SPRR2G: variants seen among roughly 807,000 people sequenced by gnomAD.
SPRR2G encodes the protein small proline rich protein 2G.
A neutral mutation model predicts 0.7 loss-of-function variants in SPRR2G; 1 was observed. The observed-to-expected ratio is 1.49, with a 90% CI of 0.53 to 7.06. SPRR2G has a LOEUF of 7.06. SPRR2G is among the 30% of genes most tolerant of loss of function. The pLI, the probability that SPRR2G is intolerant of heterozygous loss-of-function variation, is 0.14. For missense variants in SPRR2G, 96 were observed against 88.5 expected (o/e 1.09, Z -0.34); for synonymous variants, 38 against 33.9 (o/e 1.12, Z -0.42).
chr1:153,194,339 C>T, the SPRR2G span, among the ~76,000 whole-genome samples: 3 of 152,260 alleles, frequency 2.0e-5, no homozygotes, highest in East Asian at 5.8e-4. Flanking sequence ...GTCATTTAGT[C>T]CTGCCTCCCA....
At chr1:153,168,426 A>G in the SPRR2G span, among the ~76,000 whole-genome samples, 1 of 152,188 alleles carries the variant, frequency 6.6e-6, no homozygotes, top group Non-Finnish European at 1.5e-5. Flanking sequence ...AATGCCACAG[A>G]AATTGATTTC....
At chr1:153,172,522 G>A in the SPRR2G span, among the ~76,000 whole-genome samples, 2 of 152,054 alleles carry the variant, frequency 1.3e-5, no homozygotes, top group East Asian at 3.9e-4. Flanking sequence ...AGATACTGTG[G>A]GAAAGGGCTT....
chr1:153,167,420 G>A, the SPRR2G span, among the ~76,000 whole-genome samples: 1 of 152,074 alleles, frequency 6.6e-6, no homozygotes, highest in African/African-American at 2.4e-5. Context: ...GCTGTGGTGA[G>A]CCAAGATCAC....
At chr1:153,166,651 C>A in the SPRR2G span, among the ~76,000 whole-genome samples, 4 of 152,186 alleles carry the variant, frequency 2.6e-5, no homozygotes, top group Non-Finnish European at 1.5e-5. Context: ...GTCTCCAGAT[C>A]ATGGGGATGA....
the SPRR2G span, among the ~76,000 whole-genome samples, chr1:153,168,288 G>T: frequency 6.6e-6 from 1 of 152,146 alleles, no homozygotes; most frequent in African/African-American, 2.4e-5. Context: ...CTGGGAATTG[G>T]TCTCTCAAAG....
the SPRR2G span, among the ~76,000 whole-genome samples, chr1:153,187,587 G>A: frequency 6.6e-6 from 1 of 151,952 alleles, no homozygotes; most frequent in Non-Finnish European, 1.5e-5. Flanking sequence ...GGTTATTCTA[G>A]TTAGCAATTC....
At chr1:153,178,795 C>T in the SPRR2G span, among the ~76,000 whole-genome samples, 6 of 152,210 alleles carry the variant, frequency 3.9e-5, no homozygotes, top group Admixed American at 3.9e-4. Context: ...CTGAAAAAGA[C>T]TTGGTGAATA....
chr1:153,166,424 T>C, the SPRR2G span, among the ~76,000 whole-genome samples: 4 of 152,344 alleles, frequency 2.6e-5, 1 homozygote, highest in Middle Eastern at 6.8e-3. Context: ...AAGAACCCCA[T>C]GTGAAAATCT....
At chr1:153,190,213 A>C in the SPRR2G span, 1 of 152,356 alleles carries the variant, frequency 6.6e-6, no homozygotes, top group African/African-American at 2.4e-5. Flanking sequence ...CCCTTCATAC[A>C]GTAGAAGTCC....
At chr1:153,192,305 T>C in the SPRR2G span, among the ~76,000 whole-genome samples, 1 of 152,228 alleles carries the variant, frequency 6.6e-6, no homozygotes, top group Non-Finnish European at 1.5e-5. Flanking sequence ...AGGAGTTTCC[T>C]TGGGAGCTAA....
At chr1:153,166,126 G>T in the SPRR2G span, among the ~76,000 whole-genome samples, 1 of 152,126 alleles carries the variant, frequency 6.6e-6, no homozygotes, top group Non-Finnish European at 1.5e-5. Context: ...CTCCTTCTCT[G>T]CCCAGTCTCT....
the SPRR2G span, among the ~76,000 whole-genome samples, chr1:153,177,105 A>T: frequency 2.0e-5 from 3 of 152,176 alleles, no homozygotes; most frequent in African/African-American, 7.2e-5. Context: ...ATAGAATCAT[A>T]CAGAACGTAC....
At chr1:153,152,961 A>C (rs1656502914), upstream of SPRR2G, among the ~76,000 whole-genome samples, 1 of 151,448 alleles carries the variant, frequency 6.6e-6, no homozygotes, top group African/African-American at 2.5e-5. Context: ...CAGCTTCACA[A>C]AGGACAGTTT....
chr1:153,174,916 G>A, the SPRR2G span, among the ~76,000 whole-genome samples: 1 of 152,020 alleles, frequency 6.6e-6, no homozygotes, highest in Non-Finnish European at 1.5e-5. Flanking sequence ...AAAAAAGAAA[G>A]AAACAAAAGA....
At chr1:153,150,164 A>C in intron 1 of SPRR2G, 33 bp from the exon 2 acceptor site, 2 of 1,606,622 alleles carry the variant, frequency 1.2e-6, no homozygotes, top group South Asian at 2.2e-5. Context: ...TGCTCATAAG[A>C]GAGACAGTCC....
At chr1:153,162,176 A>G in the SPRR2G span, among the ~76,000 whole-genome samples, 1 of 152,128 alleles carries the variant, frequency 6.6e-6, no homozygotes, top group South Asian at 2.1e-4. Flanking sequence ...TCCCTCGGAT[A>G]GGCCCCAGTG....
chr1:153,199,278 A>G, the SPRR2G span, among the ~76,000 whole-genome samples: 1 of 152,192 alleles, frequency 6.6e-6, no homozygotes, highest in African/African-American at 2.4e-5. Flanking sequence ...GAAGATGAGG[A>G]ATACCAGCCA....
upstream of SPRR2G, among the ~76,000 whole-genome samples, chr1:153,154,922 C>T (rs953530016): frequency 6.6e-6 from 1 of 152,106 alleles, no homozygotes; most frequent in Non-Finnish European, 1.5e-5. Context: ...TTTTTATCTT[C>T]CTAGACTTCT....
At chr1:153,155,703 C>T (rs1458901026), upstream of SPRR2G, among the ~76,000 whole-genome samples, 1 of 152,204 alleles carries the variant, frequency 6.6e-6, no homozygotes, top group Non-Finnish European at 1.5e-5. Context: ...ACTTTTTGAA[C>T]TGTGTGCTGT....
Sources: allele counts gnomAD v4.1 joint callset (sites outside exome capture counted in the v4.1 genomes callset), GRCh38; gene constraint gnomAD v4.1.1; transcripts MANE v1.5; gene names NCBI Gene and HGNC (gene_info 2026-07-23, HGNC 2026-07-21).